PKN3: variants seen among roughly 807,000 people sequenced by gnomAD.
PKN3 encodes the protein protein kinase N3.
PKN3 carries 91 observed loss-of-function variants against 113.1 expected under a neutral mutation model. The observed-to-expected ratio is 0.80, with a 90% CI of 0.68 to 0.96. The LOEUF (loss-of-function observed/expected upper bound fraction) is 0.96. PKN3 is among the 40% of genes least tolerant of loss of function. The probability of loss-of-function intolerance (pLI) is 0.00; values close to 1 mark genes in which losing one functional copy is unlikely to be tolerated. For synonymous variants in PKN3, 467 were observed against 499.0 expected, an observed-to-expected ratio of 0.94 and a Z score of 0.85; for missense variants, 1,052 against 1,202.2, an observed-to-expected ratio of 0.88 and a Z score of 1.85.
rs141840709 is a variant in PKN3, at chr9:128,713,067, G to A, written c.851G>A (p.Arg284His). Residue 284 changes from arginine to histidine, a missense_variant, in exon 7 of 22, where the codon CGC becomes CAC. This residue lies in a region of PKN3 where 719 missense variants were observed against 759.4 expected (regional missense o/e 0.95). Transcript: ENST00000291906. ...CTCCCCACAGGGACACTGCAGGTCC[G>A]CCTCCTGGGCTGTGAACAGTTGCTG... ...PTALTGTLQV[R>H]LLGCEQLLTA... is the part of the protein sequence containing the mutation. 1.5e-4 allele frequency: 235 copies of A among 1,607,850 alleles called. No homozygotes were observed. The highest frequency in any genetic ancestry group is 5.5e-4 in the African/African-American group (41 of 74,932).
intron 1 of PKN3, chr9:128,703,537 G>A (rs1280869097): frequency 2.0e-6 from 2 of 985,324 alleles, no homozygotes; most frequent in African/African-American, 3.5e-5. Context: ...AGGTGCGCGT[G>A]GGCCCGGAGG....
chr9:128,714,628 C>A lies in PKN3; in HGVS notation c.1548C>A (p.Leu516=). The A allele has an allele frequency of 7.0e-7, 1 of 1,425,156 alleles. No individual in the cohort carries two copies. The highest frequency in any genetic ancestry group is 9.9e-7 in the Non-Finnish European group (1 of 1,007,858). 88.3% of individuals were successfully genotyped at this position (1,425,156 alleles called of 1,614,324 possible). ...CACCCCCACCCAAGCCCCCACGCCT[C>A]TACCTCCCCCAGGAGCCAACATCCG... The part of the protein sequence containing the change: ...EMTPPPKPPR[L]YLPQEPTSEE... The change falls in exon 12 of 22, where the codon CTC becomes CTA. Residue 516 remains leucine, a synonymous_variant. Transcript: ENST00000291906.
intron 6 of PKN3, among the ~76,000 whole-genome samples, chr9:128,708,548 A>G (rs899981064): frequency 1.2e-4 from 18 of 151,844 alleles, no homozygotes; most frequent in Non-Finnish European, 2.6e-4. Context: ...AAAAAGAAAA[A>G]AAGAAAGTTT....
chr9:128,705,374 G>C lies in PKN3; in HGVS notation c.96G>C (p.Lys32Asn). The change falls in exon 2 of 22, where the codon AAG becomes AAC. Residue 32 changes from lysine to asparagine, a missense_variant. Physicochemically the swap from Lys to Asn is moderately conservative, Grantham distance 94. This residue lies in a region of PKN3 where 719 missense variants were observed against 759.4 expected (regional missense o/e 0.95). Coordinates refer to ENST00000291906, the MANE Select transcript of PKN3 (RefSeq NM_013355.5). Reference sequence around the variant, plus strand: ...GCCGGGCCATCCAGAAAGAGCTGAAGATCAAGGAGGGGGTGGAGAACCTGC... The same window carrying C: ...GCCGGGCCATCCAGAAAGAGCTGAACATCAAGGAGGGGGTGGAGAACCTGC... ...VIRRAIQKEL[K>N]IKEGVENLRR... 1 of 1,596,494 alleles carries C rather than the reference G, an allele frequency of 6.3e-7. No homozygotes were observed. Among genetic ancestry groups the C allele is most frequent in the Non-Finnish European group, 8.5e-7 (1 of 1,172,314 alleles).
chr9:128,718,375 A>T lies in PKN3; in HGVS notation c.2036A>T (p.Lys679Met). The T allele has an allele frequency of 6.4e-7, 1 of 1,556,750 alleles. No homozygotes were observed. The highest frequency in any genetic ancestry group is 8.8e-7 in the Non-Finnish European group (1 of 1,137,688). ...VLGLQFLHEK[K>M]IIYRDLKLDN... ...GGGCTGCAGTTCTTACACGAGAAGA[A>T]GATCATTTACAGGTGACTTTTGTCC... Residue 679 changes from lysine (K) to methionine (M), a missense_variant, in exon 17 of 22, where the codon AAG becomes ATG. Physicochemically the swap from Lys to Met is moderately conservative, Grantham distance 95. Coordinates refer to ENST00000291906, the MANE Select transcript of PKN3 (RefSeq NM_013355.5).
chr9:128,717,113 G>GTTTTTTTTTTTTTTTTTTTTTTTT (rs1554781180), intron 16 of PKN3, among the ~76,000 whole-genome samples, 190 bp downstream of exon 16: 3 of 14,446 alleles, frequency 2.1e-4, no homozygotes, highest in Non-Finnish European at 4.9e-4. Flanking sequence ...TGTGCATTAG[G>GTTTTTTTTTTTTTTTTTTTTTTTT]TTTCTTTTTT....
chr9:128,714,588 TG>T lies in PKN3; in HGVS notation c.1511del (p.Gly504ValfsTer4). 1 of 1,304,534 alleles carries T rather than the reference TG, an allele frequency of 7.7e-7. No homozygotes were observed. Among genetic ancestry groups the T allele is most frequent in the Non-Finnish European group, 1.1e-6 (1 of 897,198 alleles). The allele number at this position is 1,304,534 out of a possible 1,614,324, so 80.8% of individuals were successfully genotyped here. On this transcript the variant is annotated frameshift_variant, in exon 12 of 22. Coordinates refer to ENST00000291906, the MANE Select transcript of PKN3 (RefSeq NM_013355.5). LOFTEE classifies it high-confidence loss of function. ...PSNFLPKKTP[L>X]GEEMTPPPKP... ...AATTTCCTGCCCAAGAAGACCCCCT[TG>T]GGTGAAGAGATGACACCCCCACCCA...
At chr9:128,713,745 C>A in intron 9 of PKN3, 103 bp downstream of exon 9, 1 of 1,214,880 alleles carries the variant, frequency 8.2e-7, no homozygotes, top group Non-Finnish European at 1.2e-6. Context: ...AGACTGACGA[C>A]CAGAGAGGAG....
chr9:128,720,203 C>G lies in PKN3; in HGVS notation c.2377C>G (p.Leu793Val). 1 of 1,613,330 alleles carries G rather than the reference C, an allele frequency of 6.2e-7. No individual in the cohort carries two copies. Among genetic ancestry groups the G allele is most frequent in the South Asian group, 1.1e-5 (1 of 90,998 alleles). The change falls in exon 21 of 22, where the codon CTC becomes GTC. Residue 793 changes from leucine to valine, a missense_variant and splice_region_variant. This residue lies in a region of PKN3 where 333 missense variants were observed against 442.8 expected (regional missense o/e 0.75). Transcript: ENST00000291906. This position sits in a 1 kb window ranked among gnomAD's most constrained non-coding sequence, Gnocchi z 5.5. ...SVQGLEFIQK[L>V]LQKCPEKRLG... ...AGTGAGCGCCTGTCCTATTGCCCAG[C>G]TCCTCCAGAAGTGCCCGGAGAAGCG...
At chr9:128,717,117 C>CTTTTTTTTTTTTTTTTTGT (rs1862364701) in intron 16 of PKN3, among the ~76,000 whole-genome samples, 194 bp downstream of exon 16, 1 of 24,364 alleles carries the variant, frequency 4.1e-5, no homozygotes, top group Non-Finnish European at 8.1e-5. Context: ...CATTAGGTTT[C>CTTTTTTTTTTTTTTTTTGT]TTTTTTTTTT....
chr9:128,716,977 A>G (rs1214396030), intron 16 of PKN3, 54 bp downstream of exon 16: 2 of 1,474,284 alleles, frequency 1.4e-6, no homozygotes, highest in African/African-American at 1.4e-5. Flanking sequence ...CTGGTTCCCT[A>G]CACCCACTCT....
intron 6 of PKN3, among the ~76,000 whole-genome samples, chr9:128,710,856 G>A (rs1862154358): frequency 6.6e-6 from 1 of 152,124 alleles, no homozygotes; most frequent in Admixed American, 6.6e-5. Flanking sequence ...GAGTACTTAT[G>A]GCCAAGTAGA....
intron 6 of PKN3, among the ~76,000 whole-genome samples, chr9:128,708,416 T>A (rs1862083448): frequency 6.6e-6 from 1 of 151,576 alleles, no homozygotes; most frequent in African/African-American, 2.4e-5. Flanking sequence ...GGAAAAAAAA[T>A]AATAAAATTA....
At position 128,714,328 on chromosome 9, in the gene PKN3, A is replaced by G. The variant is rs777806092; in HGVS notation, c.1444A>G (p.Thr482Ala). The G allele has an allele frequency of 4.4e-6, 7 of 1,609,084 alleles. No individual in the cohort carries two copies. The highest frequency in any genetic ancestry group is 5.9e-6 in the Non-Finnish European group (7 of 1,177,298). Residue 482 changes from threonine (T) to alanine (A), a missense_variant, in exon 11 of 22, where the codon ACA becomes GCA. Physicochemically the swap from Thr to Ala is moderately conservative, Grantham distance 58. Coordinates refer to ENST00000291906, the MANE Select transcript of PKN3 (RefSeq NM_013355.5). ...SPPKGCPRTP[T>A]TLREASDPAT... ...CCCTAAAGGATGCCCTCGGACCCCA[A>G]CAACACTGCGAGAGGCCTCTGACCC... is the stretch of plus-strand genomic sequence containing the variant.
intron 18 of PKN3, among the ~76,000 whole-genome samples, chr9:128,718,969 C>T (rs1391132244): frequency 6.7e-6 from 1 of 150,228 alleles, no homozygotes; most frequent in Non-Finnish European, 1.5e-5. Context: ...AGTCTCGGCT[C>T]ACTGCAGCCT....
Position 128,713,130 on chromosome 9 carries a change from CCAG to C in PKN3, c.919_921del (p.Ser307del). On this transcript the variant is annotated inframe_deletion, in exon 7 of 22. Transcript: ENST00000291906. Reference sequence around the variant, plus strand: ...GGGCGCTCCCCAGCGGCCGCACTGGCCAGCAGCCCCTCCGAGGGCTGGCTTCGG... The same window carrying C: ...GGGCGCTCCCCAGCGGCCGCACTGGCCAGCCCCTCCGAGGGCTGGCTTCGG... The C allele has an allele frequency of 6.2e-7, 1 of 1,611,748 alleles. No homozygotes were observed. Among genetic ancestry groups the C allele is most frequent in the Non-Finnish European group, 8.5e-7 (1 of 1,179,096 alleles).
At chr9:128,705,202 G>A (rs1262129261) in intron 1 of PKN3, 101 bp from the exon 2 acceptor site, 1 of 1,431,244 alleles carries the variant, frequency 7.0e-7, no homozygotes, top group Non-Finnish European at 9.5e-7. Context: ...AGTCCTGGGT[G>A]CCGTCCCTTC....
intron 1 of PKN3, chr9:128,704,008 C>T (rs1861932038): frequency 3.0e-6 from 3 of 985,450 alleles, no homozygotes; most frequent in Non-Finnish European, 3.6e-6. Context: ...ATTTCCTGAG[C>T]CTCGCCCTTG....
At chr9:128,719,645 G>T in intron 18 of PKN3, 41 bp from the exon 19 acceptor site, 2 of 1,520,972 alleles carry the variant, frequency 1.3e-6, no homozygotes, top group East Asian at 2.3e-5. Context: ...ATTGTGAATA[G>T]GCCACACCAA....
Sources: allele counts gnomAD v4.1 joint callset (sites outside exome capture counted in the v4.1 genomes callset), GRCh38; gene constraint gnomAD v4.1.1; regional missense constraint gnomAD v4.1.1; non-coding constraint Gnocchi (gnomAD v3.1); transcripts MANE v1.5; gene names NCBI Gene and HGNC (gene_info 2026-07-23, HGNC 2026-07-21).